Variants in SLC35D1 observed in about 807,000 individuals in gnomAD.
SLC35D1 encodes the protein solute carrier family 35 member D1.
A neutral mutation model predicts 46.7 loss-of-function variants in SLC35D1; 31 were observed. The ratio of observed to expected loss-of-function variants is 0.66; its 90% CI spans 0.50 to 0.90. The LOEUF is 0.90. Among genes scored for constraint, SLC35D1 ranks in the 40% least tolerant of loss-of-function variants. The pLI is 0.00. For missense variants in SLC35D1, 397 were observed against 426.2 expected (o/e 0.93, Z 0.60); for synonymous variants, 195 against 164.6 (o/e 1.18, Z -1.41).
the SLC35D1 span, among the ~76,000 whole-genome samples, chr1:66,989,814 T>C: frequency 6.6e-6 from 1 of 152,222 alleles, no homozygotes; most frequent in Non-Finnish European, 1.5e-5. Flanking sequence ...GGGTGGTTTC[T>C]TCCAGAAACA....
In SLC35D1 at chr1:67,042,321, C is replaced by T; in HGVS notation, c.644G>A (p.Gly215Glu). ...ATTGTAATAGAGCAGTCCATATTTTCCCAGCTCCTAGGACAGTAAATAATT... is the reference window on the plus strand; with the variant it reads ...ATTGTAATAGAGCAGTCCATATTTTTCCAGCTCCTAGGACAGTAAATAATT... ...VKQKLDSKEL[G>E]KYGLLYYNAL... Residue 215 changes from glycine to glutamate, a missense_variant, in exon 8 of 12, where the codon GGA (glycine) becomes GAA (glutamate). Coordinates refer to ENST00000235345, the MANE Select transcript of SLC35D1 (RefSeq NM_015139.3). 1 of 1,614,078 alleles carries T rather than the reference C, an allele frequency of 6.2e-7. No homozygotes were observed. Among genetic ancestry groups the T allele is most frequent in the Non-Finnish European group, 8.5e-7 (1 of 1,179,960 alleles).
intron 5 of SLC35D1, 32 bp from the exon 6 acceptor site, chr1:67,049,882 T>C (rs202060890): frequency 7.2e-7 from 1 of 1,382,850 alleles, no homozygotes; most frequent in Non-Finnish European, 9.8e-7. Context: ...AATACACACA[T>C]GACTTTATTC....
the SLC35D1 span, among the ~76,000 whole-genome samples, chr1:66,990,527 A>G: frequency 1.2e-4 from 18 of 152,148 alleles, no homozygotes; most frequent in Non-Finnish European, 1.6e-4. Context: ...CCAGCCTCCC[A>G]AAGTGTTGGG....
At chr1:67,021,501 A>C (rs577238098) in intron 9 of SLC35D1, 34 bp downstream of exon 9, 6 of 1,610,240 alleles carry the variant, frequency 3.7e-6, no homozygotes, top group South Asian at 1.1e-5. Flanking sequence ...TTTCTTTAGG[A>C]AAACTATCTG....
intron 8 of SLC35D1, among the ~76,000 whole-genome samples, chr1:67,041,628 C>T (rs140729308): frequency 2.6e-5 from 4 of 152,266 alleles, no homozygotes; most frequent in East Asian, 1.9e-4. Flanking sequence ...GTCTCCTACA[C>T]GGGCTTGTTT....
the SLC35D1 span, chr1:66,984,796 C>T: frequency 9.3e-6 from 15 of 1,613,876 alleles, no homozygotes; most frequent in Non-Finnish European, 1.2e-5. Context: ...TGCCAAAAGG[C>T]GAAGGGTAAA....
At chr1:67,008,763 G>A (rs1056163040) in intron 11 of SLC35D1, among the ~76,000 whole-genome samples, 19 of 151,950 alleles carry the variant, frequency 1.3e-4, no homozygotes, top group African/African-American at 3.9e-4. Context: ...CCACCACCAC[G>A]CCCAGGTAAT....
Position 67,002,613 on chromosome 1 carries a change from C to T in SLC35D1, c.*1727G>A, listed in dbSNP as rs1667363644. The T allele has an allele frequency of 6.6e-6, 1 of 152,260 alleles. No individual in the cohort carries two copies. The highest frequency in any genetic ancestry group is 1.5e-5 in the Non-Finnish European group (1 of 68,024). 9.4% of individuals were successfully genotyped at this position (152,260 alleles called of 1,614,324 possible). The stretch of plus-strand genomic sequence containing the variant: ...CTAAGGCTCTTAATGAAGCTTGTAA[C>T]TTGGGAGTTGGTTGCAGGGATAATT... On this transcript the variant is annotated 3_prime_UTR_variant, in exon 12 of 12. Coordinates refer to ENST00000235345, the MANE Select transcript of SLC35D1 (RefSeq NM_015139.3).
Position 67,032,037 on chromosome 1 carries a change from G to T in SLC35D1, c.729+10199C>A, listed in dbSNP as rs1225891105. On this transcript the variant is annotated intron_variant, in intron 8 of 11. Transcript: ENST00000235345. ...AGAATGACCTACCTGGTCATTCTGT[G>T]TGTGACACAGAACTAAACAGGCTCT... 8 of 985,038 alleles carry T rather than the reference G, an allele frequency of 8.1e-6. No individual in the cohort carries two copies. The African/African-American group carries it at 1.4e-4, about 17-fold the overall frequency. 61.0% of individuals were successfully genotyped at this position (985,038 alleles called of 1,614,324 possible). A position where few individuals can be genotyped will look rare whatever the true frequency, so the allele number is the denominator to read the frequency against.
intron 8 of SLC35D1, among the ~76,000 whole-genome samples, chr1:67,025,240 T>C (rs1030685477): frequency 6.6e-6 from 1 of 152,222 alleles, no homozygotes; most frequent in African/African-American, 2.4e-5. Context: ...TATAACACTT[T>C]CCTGATTAAT....
At chr1:67,004,723 T>C (rs1667412669) in intron 11 of SLC35D1, among the ~76,000 whole-genome samples, 1 of 152,146 alleles carries the variant, frequency 6.6e-6, no homozygotes, top group Non-Finnish European at 1.5e-5. Context: ...TAAATGAACA[T>C]GAGTATGTAT....
chr1:67,044,008 T>C lies in SLC35D1; in HGVS notation c.637-1680A>G, dbSNP rs149993518. On this transcript the variant is annotated intron_variant, in intron 7 of 11. Transcript: ENST00000235345. The stretch of plus-strand genomic sequence containing the variant: ...CGAACTGCCTTCTCAAAAGCAGCAC[T>C]GAAAAATTGGAAATAAATACCCAAC... 5.2e-4 allele frequency among the ~76,000 whole-genome samples: 79 copies of C among 152,232 alleles called. No individual in the cohort carries two copies. In the East Asian group the frequency reaches 0.013, roughly 25 times the overall value.
At chr1:67,021,320 G>A (rs147482522) in intron 9 of SLC35D1, among the ~76,000 whole-genome samples, 85 of 152,216 alleles carry the variant, frequency 5.6e-4, no homozygotes, top group Non-Finnish European at 8.2e-4. Context: ...CAGGTTATCA[G>A]GTAAATTTTT....
At chr1:66,988,371 G>T in the SLC35D1 span, 1 of 151,958 alleles carries the variant, frequency 6.6e-6, no homozygotes, top group Non-Finnish European at 1.5e-5. Flanking sequence ...GAATCTTAAA[G>T]GGTTTTCCAC....
chr1:66,984,939 G>A, the SLC35D1 span: 2 of 1,526,910 alleles, frequency 1.3e-6, no homozygotes, highest in African/African-American at 1.4e-5. Context: ...GTAAATTCTG[G>A]TGTGACTAAA....
the SLC35D1 span, chr1:66,984,854 C>G: frequency 1.4e-5 from 23 of 1,607,830 alleles, no homozygotes; most frequent in Admixed American, 3.4e-5. Context: ...TTCCAAGAAG[C>G]AGTCTCACAT....
intron 11 of SLC35D1, among the ~76,000 whole-genome samples, chr1:67,005,408 C>T: frequency 6.6e-6 from 1 of 152,166 alleles, no homozygotes; most frequent in Non-Finnish European, 1.5e-5. Context: ...CTTGTTCCCA[C>T]TAGGAAGAAA....
rs143218310 is a variant in SLC35D1, at chr1:67,020,431, C to T, written c.814G>A (p.Ala272Thr). 1,479 of 1,608,186 alleles carry T rather than the reference C, an allele frequency of 9.2e-4. 5 individuals are homozygous for T. The highest frequency in any genetic ancestry group is 1.1e-3 in the South Asian group (100 of 90,978). The change falls in exon 10 of 12, where the codon GCC (alanine) becomes ACC (threonine). Residue 272 changes from alanine to threonine, a missense_variant. Physicochemically the swap from Ala to Thr is moderately conservative, Grantham distance 58 (BLOSUM62 0). Coordinates refer to ENST00000235345, the MANE Select transcript of SLC35D1 (RefSeq NM_015139.3). ...SCVMGFILMY[A>T]TVLCTQYNSA... ...TTATACTGCGTGCAGAGTACTGTGG[C>T]GTACATTAAGATAAACCTAGAATGA...
the SLC35D1 span, chr1:66,987,183 T>G: frequency 3.9e-5 from 6 of 152,754 alleles, no homozygotes; most frequent in African/African-American, 1.4e-4. Flanking sequence ...AATATTTAAT[T>G]GTATTTTGTG....
Sources: allele counts gnomAD v4.1 joint callset (sites outside exome capture counted in the v4.1 genomes callset), GRCh38; gene constraint gnomAD v4.1.1; transcripts MANE v1.5; gene names NCBI Gene and HGNC (gene_info 2026-07-23, HGNC 2026-07-21).